The following KCNK3 variants were observed in gnomAD, a reference collection of about 807,000 sequenced individuals.
KCNK3 encodes potassium two pore domain channel subfamily K member 3, also known as potassium channel subfamily K member 3.
KCNK3 carries 9 observed loss-of-function variants against 27.3 expected under a neutral mutation model. That is an observed-to-expected ratio of 0.33 (90% CI 0.20 to 0.57). KCNK3 has a LOEUF of 0.57. Ranked by LOEUF, KCNK3 falls within the 20% of genes least tolerant of loss-of-function variation. KCNK3 has a pLI of 0.87. For synonymous variants in KCNK3, 278 were observed against 273.8 expected, an observed-to-expected ratio of 1.02 and a Z score of -0.15; for missense variants, 391 against 577.7, an observed-to-expected ratio of 0.68 and a Z score of 3.31.
chr2:26,708,634 G>A (rs1415964503), intron 1 of KCNK3, among the ~76,000 whole-genome samples: 2 of 152,138 alleles, frequency 1.3e-5, no homozygotes, highest in Admixed American at 6.6e-5. Context: ...AGCCGAGATC[G>A]CGCTATTGTA....
intron 1 of KCNK3, among the ~76,000 whole-genome samples, chr2:26,695,842 CA>C (rs1308722056): frequency 6.6e-6 from 1 of 152,172 alleles, no homozygotes. Flanking sequence ...AAGTGCTGGG[CA>C]AGAGGAAAGA....
intron 1 of KCNK3, among the ~76,000 whole-genome samples, chr2:26,697,138 C>T (rs1381755501): frequency 6.6e-6 from 1 of 152,106 alleles, no homozygotes; most frequent in African/African-American, 2.4e-5. Context: ...TGGCACTTGC[C>T]CAGATTCAAT....
At chr2:26,712,525 C>T (rs1663136560) in intron 1 of KCNK3, among the ~76,000 whole-genome samples, 1 of 151,998 alleles carries the variant, frequency 6.6e-6, no homozygotes, top group African/African-American at 2.4e-5. Flanking sequence ...AGTGGGAGGC[C>T]CAGAGGCCAG....
chr2:26,714,991 G>A (rs769420541), intron 1 of KCNK3, among the ~76,000 whole-genome samples: 7 of 152,216 alleles, frequency 4.6e-5, no homozygotes, highest in African/African-American at 9.6e-5. Flanking sequence ...GACCCTGGAG[G>A]CCACATACCT....
chr2:26,727,060 G>C (rs538798304), intron 1 of KCNK3, among the ~76,000 whole-genome samples: 2 of 152,300 alleles, frequency 1.3e-5, no homozygotes, highest in African/African-American at 4.8e-5. Context: ...AAGGGCCCTT[G>C]TTGCCAAGCA....
At chr2:26,706,614 C>T (rs1433660919) in intron 1 of KCNK3, among the ~76,000 whole-genome samples, 2 of 152,088 alleles carry the variant, frequency 1.3e-5, no homozygotes, top group African/African-American at 2.4e-5. Context: ...CAGGAGGGGC[C>T]GGAGAGAGAA....
At chr2:26,698,752 T>C (rs1670266246) in intron 1 of KCNK3, among the ~76,000 whole-genome samples, 1 of 152,106 alleles carries the variant, frequency 6.6e-6, no homozygotes, top group African/African-American at 2.4e-5. Context: ...TCCTCAGCCA[T>C]GCCTGGTGTT....
rs144732970 is a variant in KCNK3, at chr2:26,724,770, A to G, written c.284-2897A>G. Among the ~76,000 whole-genome samples the G allele has an allele frequency of 6.6e-5, 10 of 152,222 alleles. No homozygotes were observed. The East Asian group carries it at 1.9e-3, about 29-fold the overall frequency. ...TTTGAAAGTCACTAAGTTCAACAGGATGAAGGGCAGAGGAAGGGGTTGTCA... is the reference window on the plus strand; with the variant it reads ...TTTGAAAGTCACTAAGTTCAACAGGGTGAAGGGCAGAGGAAGGGGTTGTCA... On this transcript the variant is annotated intron_variant, in intron 1 of 1. Transcript: ENST00000302909.
At chr2:26,699,801 C>T (rs1282845491) in intron 1 of KCNK3, among the ~76,000 whole-genome samples, 6 of 152,188 alleles carry the variant, frequency 3.9e-5, no homozygotes, top group South Asian at 4.1e-4. Flanking sequence ...TGCTCCAGGA[C>T]GGCAGGCGGC....
chr2:26,708,925 G>T (rs777779484), intron 1 of KCNK3, among the ~76,000 whole-genome samples: 1 of 152,160 alleles, frequency 6.6e-6, no homozygotes, highest in South Asian at 2.1e-4. Context: ...CCAGCGTGGT[G>T]GTGGTGGAGA....
chr2:26,699,954 C>T (rs1485814237), intron 1 of KCNK3, among the ~76,000 whole-genome samples: 1 of 152,218 alleles, frequency 6.6e-6, no homozygotes, highest in African/African-American at 2.4e-5. Flanking sequence ...AACCCCCACT[C>T]CCCATGGAGC....
chr2:26,702,690 A>G (rs1201147661), intron 1 of KCNK3, among the ~76,000 whole-genome samples: 2 of 152,212 alleles, frequency 1.3e-5, no homozygotes, highest in Non-Finnish European at 2.9e-5. Context: ...AGCCACTTGT[A>G]TCAGCCAGGG....
chr2:26,699,514 C>T (rs1484769866), intron 1 of KCNK3, among the ~76,000 whole-genome samples: 1 of 152,216 alleles, frequency 6.6e-6, no homozygotes, highest in Non-Finnish European at 1.5e-5. Flanking sequence ...TGCAAATCAC[C>T]ACTATAAACA....
At position 26,728,236 on chromosome 2, in the gene KCNK3, G is replaced by C. The variant is rs768231464; in HGVS notation, c.853G>C (p.Ala285Pro). ...GGGSAHTTDT[A>P]SSTAAAGGGG... is the part of the protein sequence containing the mutation. Reference sequence around the variant, plus strand: ...TGGCAGCGCGCACACTACGGACACCGCCTCATCCACGGCGGCAGCGGGCGG... The same window carrying C: ...TGGCAGCGCGCACACTACGGACACCCCCTCATCCACGGCGGCAGCGGGCGG... Residue 285 changes from alanine (A) to proline (P), a missense_variant, in exon 2 of 2, where the codon GCC becomes CCC. This residue lies in a region of KCNK3 where 192 missense variants were observed against 196.0 expected (regional missense o/e 0.98). Coordinates refer to ENST00000302909, the MANE Select transcript of KCNK3 (RefSeq NM_002246.3). 6.4e-7 allele frequency: 1 copy of C among 1,573,198 alleles called. No homozygotes were observed. The highest frequency in any genetic ancestry group is 8.6e-7 in the Non-Finnish European group (1 of 1,159,564).
intron 1 of KCNK3, among the ~76,000 whole-genome samples, chr2:26,710,588 A>T (rs1663093427): frequency 6.6e-6 from 1 of 152,136 alleles, no homozygotes; most frequent in Non-Finnish European, 1.5e-5. Flanking sequence ...AGGGGGGAAG[A>T]GGGAAGCCCT....
At chr2:26,724,552 A>G in intron 1 of KCNK3, 2 of 975,872 alleles carry the variant, frequency 2.0e-6, no homozygotes, top group Non-Finnish European at 2.4e-6. Flanking sequence ...TTAAAAATAC[A>G]TCTGAAGGGT....
At chr2:26,713,029 C>T (rs770743083) in intron 1 of KCNK3, among the ~76,000 whole-genome samples, 17 of 152,206 alleles carry the variant, frequency 1.1e-4, no homozygotes, top group Non-Finnish European at 1.3e-4. Flanking sequence ...CCCCCCACCA[C>T]ACCCAACCCA....
chr2:26,714,769 C>T (rs184305091), intron 1 of KCNK3, among the ~76,000 whole-genome samples: 2 of 148,968 alleles, frequency 1.3e-5, no homozygotes, highest in Admixed American at 1.4e-4. Flanking sequence ...ACCTGTAATT[C>T]CAGCTACTCA....
intron 1 of KCNK3, among the ~76,000 whole-genome samples, chr2:26,722,421 T>G (rs1371761037): frequency 6.6e-6 from 1 of 152,234 alleles, no homozygotes; most frequent in Non-Finnish European, 1.5e-5. Flanking sequence ...CCTAAGCATG[T>G]TAAGTCTATG....
Sources: gnomAD v4.1 joint callset for allele counts (sites outside exome capture counted in the v4.1 genomes callset) on GRCh38, gnomAD v4.1.1 for gene constraint, gnomAD v4.1.1 regional missense constraint, MANE v1.5 for transcripts, NCBI Gene and HGNC (gene_info 2026-07-23, HGNC 2026-07-21) for gene names.